Variants in SLC37A1 observed in about 807,000 individuals in gnomAD.
The protein encoded by SLC37A1 is glucose-6-phosphate exchanger SLC37A1.
Under a neutral mutation model 75.3 loss-of-function variants are expected in SLC37A1, and 49 were observed. That is an observed-to-expected ratio of 0.65 (90% confidence interval 0.52 to 0.83). The LOEUF (loss-of-function observed/expected upper bound fraction) is 0.83, where lower values mean the gene tolerates loss of function less well. SLC37A1 is among the 40% of genes least tolerant of loss of function. SLC37A1 has a pLI of 0.00. For synonymous variants in SLC37A1, 268 were observed against 292.1 expected (o/e 0.92, Z 0.84); for missense variants, 566 against 695.0 (o/e 0.81, Z 2.09).
chr21:42,534,860 C>G (rs767583307), intron 4 of SLC37A1, 30 bp downstream of exon 4: 3 of 1,603,804 alleles, frequency 1.9e-6, no homozygotes, highest in Non-Finnish European at 2.6e-6. Context: ...GTCCAGGAGC[C>G]GAAGCGGCTG....
Position 42,562,060 on chromosome 21 carries a change from GA to G in SLC37A1, c.982-17del, listed in dbSNP as rs762192769. ...GACTCCACATTTGGAGGAGACGCCT[GA>G]CTGCTCTCTCTTTCAGGGCGTGATA... On this transcript the variant is annotated splice_polypyrimidine_tract_variant and intron_variant, in intron 11 of 19. Coordinates refer to ENST00000352133, the MANE Select transcript of SLC37A1 (RefSeq NM_001320537.2). 1.9e-6 allele frequency: 3 copies of G among 1,610,530 alleles called. No individual in the cohort carries two copies. Among genetic ancestry groups the G allele is most frequent in the Non-Finnish European group, 2.5e-6 (3 of 1,176,696 alleles).
At position 42,543,523 on chromosome 21, in the gene SLC37A1, A is replaced by T. The variant is rs1487016393; in HGVS notation, c.651A>T (p.Thr217=). The change falls in exon 8 of 20, where the codon ACA becomes ACT. Residue 217 remains threonine, a synonymous_variant. Coordinates refer to ENST00000352133, the MANE Select transcript of SLC37A1 (RefSeq NM_001320537.2). ...GSLIAGYWVS[T]CWGLSFVVPG... is the part of the protein sequence containing the mutation. ...TGATCGCTGGCTACTGGGTGTCCAC[A>T]TGCTGGGGCCTGTCCTTCGTCGTGC... is the stretch of plus-strand genomic sequence containing the variant. 2.5e-6 allele frequency: 4 copies of T among 1,614,086 alleles called. No individual in the cohort carries two copies. In the South Asian group the frequency reaches 3.3e-5, roughly 13 times the overall value.
At chr21:42,516,492 G>A (rs548362918) in intron 1 of SLC37A1, among the ~76,000 whole-genome samples, 2 of 152,346 alleles carry the variant, frequency 1.3e-5, no homozygotes, top group Admixed American at 6.5e-5. Flanking sequence ...GTCTTTAGTG[G>A]TGCTGCACAG....
At chr21:42,528,475 G>A (rs1422381248) in intron 3 of SLC37A1, among the ~76,000 whole-genome samples, 1 of 152,216 alleles carries the variant, frequency 6.6e-6, no homozygotes, top group African/African-American at 2.4e-5. Flanking sequence ...CCAGGGGGAT[G>A]GCAGCATTGA....
intron 6 of SLC37A1, among the ~76,000 whole-genome samples, chr21:42,540,542 G>A (rs2055253170): frequency 6.6e-6 from 1 of 152,192 alleles, no homozygotes; most frequent in Non-Finnish European, 1.5e-5. Flanking sequence ...GAGAGATCAT[G>A]AAGGTGCTAG....
At chr21:42,561,749 G>T (rs373916441) in intron 11 of SLC37A1, 3 of 267,690 alleles carry the variant, frequency 1.1e-5, no homozygotes, top group Non-Finnish European at 2.1e-5. Flanking sequence ...AGGGCTTCCT[G>T]TCTTCACTTG....
chr21:42,543,382 A>G (rs1396906339), intron 7 of SLC37A1, 54 bp from the exon 8 acceptor site: 4 of 1,609,250 alleles, frequency 2.5e-6, no homozygotes, highest in Non-Finnish European at 3.4e-6. Flanking sequence ...GCACTGCTGG[A>G]CTCGTTTCAG....
intron 19 of SLC37A1, 97 bp downstream of exon 19, chr21:42,579,897 GA>G: frequency 8.7e-7 from 1 of 1,148,356 alleles, no homozygotes; most frequent in Non-Finnish European, 1.3e-6. Flanking sequence ...CTGAAAGAAA[GA>G]AAACGCGTGG....
chr21:42,569,488 G>GTGCCGCACTCCCTCA, intron 17 of SLC37A1, among the ~76,000 whole-genome samples: 8 of 11,900 alleles, frequency 6.7e-4, no homozygotes, highest in Middle Eastern at 0.019. Flanking sequence ...AGGTGACCTC[G>GTGCCGCACTCCCTCA]TGCCGCACTC....
intron 1 of SLC37A1, among the ~76,000 whole-genome samples, chr21:42,515,105 T>A (rs989178045): frequency 1.3e-5 from 2 of 152,190 alleles, no homozygotes; most frequent in Non-Finnish European, 2.9e-5. Flanking sequence ...TTGTTGGGGG[T>A]TGGAGGCAGG....
Position 42,580,502 on chromosome 21 carries a change from C to A in SLC37A1, c.*142C>A. The A allele has an allele frequency of 1.2e-6, 1 of 836,956 alleles. No homozygotes were observed. Among genetic ancestry groups the A allele is most frequent in the Non-Finnish European group, 1.9e-6 (1 of 539,148 alleles). 51.8% of individuals were successfully genotyped at this position (836,956 alleles called of 1,614,324 possible). A position where few individuals can be genotyped will look rare whatever the true frequency, so the allele number is the denominator to read the frequency against. On this transcript the variant is annotated 3_prime_UTR_variant, in exon 20 of 20. Coordinates refer to ENST00000352133, the MANE Select transcript of SLC37A1 (RefSeq NM_001320537.2). ...ACGCACCTGGAAAAGACACAGAAGC[C>A]AACCTGAGAACCCCTGGTGCTATTT... is the stretch of plus-strand genomic sequence containing the variant.
rs780862445 is a variant in SLC37A1, at chr21:42,568,444, CAG to C, written c.1423+11_1423+12del. The C allele has an allele frequency of 2.8e-5, 45 of 1,613,336 alleles. No homozygotes were observed. Among genetic ancestry groups the C allele is most frequent in the South Asian group, 1.7e-4 (15 of 90,864 alleles). On this transcript the variant is annotated splice_region_variant and intron_variant, in intron 17 of 19. Transcript: ENST00000352133. Reference sequence around the variant, plus strand: ...TGACGGGACGGGCTCTGTAGGTGCGCAGAGAGTTTTAGCTCTGGGAGGTTTGG... The same window carrying C: ...TGACGGGACGGGCTCTGTAGGTGCGCAGAGTTTTAGCTCTGGGAGGTTTGG...
chr21:42,576,126 A>G (rs113351722), intron 18 of SLC37A1: 21,498 of 217,002 alleles, frequency 0.099, 1,406 homozygotes, highest in Non-Finnish European at 0.13. Context: ...TTGTGCCCAC[A>G]CTGGGTAAGA....
In SLC37A1 at chr21:42,574,866, G is replaced by A; in HGVS notation, c.1472G>A (p.Trp491Ter). ...LLAGLLSPSG[W>*]SNVFYMLMFA... is the part of the protein sequence containing the mutation. Reference sequence around the variant, plus strand: ...GCTGGGCTCCTCTCCCCGTCCGGCTGGAGCAATGTGTTTTACATGCTGATG... The same window carrying A: ...GCTGGGCTCCTCTCCCCGTCCGGCTAGAGCAATGTGTTTTACATGCTGATG... The change falls in exon 18 of 20, where the codon TGG (tryptophan) becomes TAG (stop). Residue 491 changes from tryptophan (W) to a stop codon, truncating the protein, a stop_gained. Transcript: ENST00000352133. LOFTEE classifies it high-confidence loss of function. 2 of 1,614,192 alleles carry A rather than the reference G, an allele frequency of 1.2e-6. No individual in the cohort carries two copies. Among genetic ancestry groups the A allele is most frequent in the Non-Finnish European group, 1.7e-6 (2 of 1,180,030 alleles).
rs560436917 is a variant in SLC37A1 at position 42,566,396 on chromosome 21, G to T, written c.1270+521G>T. Among the ~76,000 whole-genome samples, 10 of 152,374 alleles carry T rather than the reference G, an allele frequency of 6.6e-5. No homozygotes were observed. The South Asian group carries it at 1.9e-3, about 28-fold the overall frequency. On this transcript the variant is annotated intron_variant, in intron 15 of 19. Transcript: ENST00000352133. ...CTTTGTCAGCTGCCCCTCCAGGAGCGGTTGCGTAACCTTGGAGGACTATTT... is the reference window on the plus strand; with the variant it reads ...CTTTGTCAGCTGCCCCTCCAGGAGCTGTTGCGTAACCTTGGAGGACTATTT...
At chr21:42,542,541 TTTTCTG>T in intron 7 of SLC37A1, 61 bp downstream of exon 7, 2 of 1,539,760 alleles carry the variant, frequency 1.3e-6, no homozygotes, top group Non-Finnish European at 1.8e-6. Flanking sequence ...TACTTTTAGT[TTTTCTG>T]TAGACTGATT....
In SLC37A1 at chr21:42,526,586, C is replaced by T. The variant is rs369606747; in HGVS notation, c.138+729C>T. Among the ~76,000 whole-genome samples the T allele has an allele frequency of 9.2e-5, 14 of 152,338 alleles. 3 individuals carry two copies. The highest frequency in any genetic ancestry group is 1.9e-4 in the East Asian group (1 of 5,184). On this transcript the variant is annotated intron_variant, in intron 3 of 19. Coordinates refer to ENST00000352133, the MANE Select transcript of SLC37A1 (RefSeq NM_001320537.2). Reference sequence around the variant, plus strand: ...CAATTCTGTGACCTTTGGAGCTGTGCTTCCTCCACTCCTGCCGGTGGCTGA... The same window carrying T: ...CAATTCTGTGACCTTTGGAGCTGTGTTTCCTCCACTCCTGCCGGTGGCTGA...
At chr21:42,544,474 C>A (rs140725110) in intron 8 of SLC37A1, among the ~76,000 whole-genome samples, 1 of 152,328 alleles carries the variant, frequency 6.6e-6, no homozygotes, top group African/African-American at 2.4e-5. Flanking sequence ...CATCATCTGG[C>A]CACACTGTGA....
intron 2 of SLC37A1, among the ~76,000 whole-genome samples, chr21:42,505,056 C>T (rs1568975130): frequency 6.6e-6 from 1 of 152,250 alleles, no homozygotes; most frequent in Non-Finnish European, 1.5e-5. Context: ...AAGACGCCAA[C>T]AGCCCAGGTG....
Sources: gnomAD v4.1 joint callset for allele counts (sites outside exome capture counted in the v4.1 genomes callset) on GRCh38, gnomAD v4.1.1 for gene constraint, MANE v1.5 for transcripts, NCBI Gene and HGNC (gene_info 2026-07-23, HGNC 2026-07-21) for gene names.